NPR3: variants seen among roughly 807,000 people sequenced by gnomAD.
NPR3 encodes the protein atrial natriuretic peptide receptor 3.
A neutral mutation model predicts 54.5 loss-of-function variants in NPR3; 34 were observed. The observed-to-expected ratio is 0.62, with a 90% confidence interval of 0.47 to 0.83. The LOEUF (loss-of-function observed/expected upper bound fraction) is 0.83, where lower values mean the gene tolerates loss of function less well. Among genes scored for constraint, NPR3 ranks in the 40% least tolerant of loss-of-function variants. The pLI, the probability that NPR3 is intolerant of heterozygous loss-of-function variation, is 0.00. For missense variants in NPR3, 674 were observed against 720.8 expected (o/e 0.94, Z 0.74); for synonymous variants, 289 against 297.1 (o/e 0.97, Z 0.28).
intron 2 of NPR3, among the ~76,000 whole-genome samples, chr5:32,733,986 C>A (rs1739597041): frequency 6.6e-6 from 1 of 152,160 alleles, no homozygotes; most frequent in African/African-American, 2.4e-5. Context: ...TCTCCTTGAG[C>A]CTCAATTTCC....
chr5:32,701,548 C>G (rs574048333), intron 1 of NPR3, among the ~76,000 whole-genome samples: 1 of 152,282 alleles, frequency 6.6e-6, no homozygotes, highest in African/African-American at 2.4e-5. Context: ...TCATGTTTTC[C>G]TAGATGATCT....
intron 1 of NPR3, among the ~76,000 whole-genome samples, chr5:32,696,734 A>G (rs750085140): frequency 6.6e-5 from 10 of 151,976 alleles, no homozygotes; most frequent in Admixed American, 1.3e-4. Flanking sequence ...GTTAATTCCT[A>G]GGTATTTTAT....
chr5:32,772,025 T>C (rs1470845437), intron 3 of NPR3, among the ~76,000 whole-genome samples: 2 of 152,218 alleles, frequency 1.3e-5, no homozygotes, highest in African/African-American at 4.8e-5. Flanking sequence ...TTCATCAGCA[T>C]GAAGACTTTC....
Position 32,719,148 on chromosome 5 carries a change from A to G in NPR3, c.770-5550A>G, listed in dbSNP as rs116203410. On this transcript the variant is annotated intron_variant, in intron 1 of 7. Transcript: ENST00000265074. ...GTTGTTGGTTCTGTTTTTGTGATCA[A>G]TTACATTTATTGATTTGCGTATGTT... Among the ~76,000 whole-genome samples the G allele has an allele frequency of 2.5e-3, 388 of 152,228 alleles. 3 individuals carry two copies. Among genetic ancestry groups the G allele is most frequent in the African/African-American group, 8.8e-3 (365 of 41,532 alleles).
chr5:32,752,022 T>G (rs112006454), intron 3 of NPR3, among the ~76,000 whole-genome samples: 27,087 of 151,894 alleles, frequency 0.18, 2,476 homozygotes, highest in South Asian at 0.23. Context: ...GCCAACATAG[T>G]GAAACCCCGT....
intron 3 of NPR3, among the ~76,000 whole-genome samples, chr5:32,746,090 G>T (rs753041499): frequency 3.9e-5 from 6 of 152,172 alleles, no homozygotes; most frequent in Non-Finnish European, 8.8e-5. Context: ...ACAGGAGTCT[G>T]GACAGTTTAT....
At chr5:32,747,532 G>C (rs1331537367) in intron 3 of NPR3, among the ~76,000 whole-genome samples, 5 of 151,800 alleles carry the variant, frequency 3.3e-5, no homozygotes, top group Admixed American at 1.3e-4. Context: ...TTGCTTCTGT[G>C]CCTATGTAGT....
At chr5:32,756,264 G>T (rs1189540248) in intron 3 of NPR3, among the ~76,000 whole-genome samples, 1 of 152,180 alleles carries the variant, frequency 6.6e-6, no homozygotes, top group African/African-American at 2.4e-5. Flanking sequence ...TCCAGCACCT[G>T]TTGTTTCCTG....
upstream of NPR3, among the ~76,000 whole-genome samples, chr5:32,706,149 C>A (rs1278242880): frequency 6.6e-6 from 1 of 152,092 alleles, no homozygotes; most frequent in Non-Finnish European, 1.5e-5. Context: ...CACCTCCCTG[C>A]CAACCCTGCA....
At chr5:32,761,066 A>G (rs1207164889) in intron 3 of NPR3, among the ~76,000 whole-genome samples, 1 of 152,144 alleles carries the variant, frequency 6.6e-6, no homozygotes, top group East Asian at 1.9e-4. Context: ...TGAAAACTGT[A>G]GCTTTGTAGC....
intron 1 of NPR3, among the ~76,000 whole-genome samples, chr5:32,700,930 T>G (rs1176051431): frequency 6.6e-6 from 1 of 152,180 alleles, no homozygotes; most frequent in Admixed American, 6.5e-5. Flanking sequence ...GATGGCTGGG[T>G]CAAATGGTAT....
At chr5:32,763,082 C>A (rs1220106229) in intron 3 of NPR3, among the ~76,000 whole-genome samples, 4 of 152,112 alleles carry the variant, frequency 2.6e-5, no homozygotes, top group African/African-American at 9.7e-5. Context: ...CATTTATTAA[C>A]TAGGGAATCC....
chr5:32,755,734 A>G (rs1290219971), intron 3 of NPR3, among the ~76,000 whole-genome samples: 1 of 152,198 alleles, frequency 6.6e-6, no homozygotes, highest in Non-Finnish European at 1.5e-5. Flanking sequence ...TCCTTCCTTG[A>G]CTGCCAAAAC....
intron 1 of NPR3, among the ~76,000 whole-genome samples, chr5:32,691,628 A>G (rs896196912): frequency 1.3e-5 from 2 of 152,236 alleles, no homozygotes; most frequent in Non-Finnish European, 2.9e-5. Flanking sequence ...AGCTGATGAG[A>G]ATGTTAGCTG....
chr5:32,708,041 T>C (rs1738045457), upstream of NPR3, among the ~76,000 whole-genome samples: 1 of 151,298 alleles, frequency 6.6e-6, no homozygotes, highest in South Asian at 2.1e-4. Context: ...AAACATGGTT[T>C]GTGGATATTA....
chr5:32,743,272 G>A (rs988944309), intron 3 of NPR3, among the ~76,000 whole-genome samples: 5 of 152,078 alleles, frequency 3.3e-5, no homozygotes, highest in East Asian at 1.9e-4. Flanking sequence ...CCTTGTATAC[G>A]TTTCCCAGTT....
intron 1 of NPR3, among the ~76,000 whole-genome samples, chr5:32,702,817 G>T (rs898673475): frequency 1.4e-4 from 21 of 152,182 alleles, no homozygotes; most frequent in African/African-American, 4.8e-4. Flanking sequence ...TCTAGTTCTA[G>T]ATCCCTGAGG....
chr5:32,737,678 C>T (rs574236644), intron 2 of NPR3, among the ~76,000 whole-genome samples: 45 of 152,200 alleles, frequency 3.0e-4, no homozygotes, highest in African/African-American at 1.1e-3. Flanking sequence ...TCCACCTTGC[C>T]TTTTGGGGCC....
intron 2 of NPR3, among the ~76,000 whole-genome samples, chr5:32,730,094 TA>T (rs1031272622): frequency 2.5e-4 from 38 of 151,222 alleles, no homozygotes; most frequent in South Asian, 2.1e-4. Flanking sequence ...CTTTGACACT[TA>T]AAAAAAAAGT....
Sources: gnomAD v4.1 joint callset for allele counts (sites outside exome capture counted in the v4.1 genomes callset) on GRCh38, gnomAD v4.1.1 for gene constraint, MANE v1.5 for transcripts, NCBI Gene and HGNC (gene_info 2026-07-23, HGNC 2026-07-21) for gene names.